The following ARMH3 variants were observed in gnomAD, a reference collection of about 807,000 sequenced individuals.
ARMH3 encodes the protein armadillo-like helical domain-containing protein 3.
A neutral mutation model predicts 99.1 loss-of-function variants in ARMH3; 60 were observed. That is an observed-to-expected ratio of 0.61 (90% CI 0.49 to 0.75). The LOEUF is 0.75. Among genes scored for constraint, ARMH3 ranks in the 30% least tolerant of loss-of-function variants. The probability of loss-of-function intolerance (pLI) is 0.00; values close to 1 mark genes in which losing one functional copy is unlikely to be tolerated. For missense variants in ARMH3, 679 were observed against 843.1 expected (o/e 0.81, Z 2.41); for synonymous variants, 285 against 292.8 (o/e 0.97, Z 0.27).
chr10:101,924,957 G>A (rs1843453636), intron 23 of ARMH3, among the ~76,000 whole-genome samples: 1 of 152,148 alleles, frequency 6.6e-6, no homozygotes, highest in South Asian at 2.1e-4. Context: ...TCATGCCACT[G>A]CACTCTGGCC....
chr10:101,955,827 G>A (rs972851901), intron 22 of ARMH3, among the ~76,000 whole-genome samples: 1 of 152,324 alleles, frequency 6.6e-6, no homozygotes, highest in African/African-American at 2.4e-5. Flanking sequence ...TTATTATCCT[G>A]ATGATTGTGA....
intron 20 of ARMH3, among the ~76,000 whole-genome samples, chr10:101,968,175 C>T (rs1845618650): frequency 6.6e-6 from 1 of 152,050 alleles, no homozygotes; most frequent in Non-Finnish European, 1.5e-5. Context: ...TTCCCAGATC[C>T]TAGACTTTGG....
intron 24 of ARMH3, among the ~76,000 whole-genome samples, chr10:101,878,477 C>CA (rs751214447): frequency 0.081 from 11,343 of 140,308 alleles, 456 homozygotes; most frequent in Admixed American, 0.093. Context: ...CCATCTCTAT[C>CA]AAAAAAAAAA....
At chr10:101,891,258 C>T (rs529091481) in intron 23 of ARMH3, among the ~76,000 whole-genome samples, 121 of 151,818 alleles carry the variant, frequency 8.0e-4, no homozygotes, top group South Asian at 5.6e-3. Context: ...TGCAATGGTG[C>T]GATCTCAGCT....
chr10:101,862,067 A>AAG, intron 24 of ARMH3, among the ~76,000 whole-genome samples: 1 of 150,552 alleles, frequency 6.6e-6, no homozygotes. Context: ...AAAAAAAAAA[A>AAG]AAAAAAGATG....
At chr10:101,971,939 A>C (rs1448419183) in intron 20 of ARMH3, among the ~76,000 whole-genome samples, 1 of 152,206 alleles carries the variant, frequency 6.6e-6, no homozygotes, top group Non-Finnish European at 1.5e-5. Flanking sequence ...AAAAACAGTG[A>C]TTGCTGAAAA....
chr10:101,964,711 G>A (rs1052492594), intron 20 of ARMH3, among the ~76,000 whole-genome samples: 2 of 152,058 alleles, frequency 1.3e-5, no homozygotes, highest in African/African-American at 2.4e-5. Flanking sequence ...GCATGAGGGG[G>A]AATTAAGAAT....
rs1188585512 is a variant in ARMH3 at position 102,029,631 on chromosome 10, G to A, written c.414+7C>T. 3 of 1,614,096 alleles carry A rather than the reference G, an allele frequency of 1.9e-6. No individual in the cohort carries two copies. The highest frequency in any genetic ancestry group is 2.7e-5 in the African/African-American group (2 of 74,934). On this transcript the variant is annotated splice_region_variant and intron_variant, in intron 5 of 25. Transcript: ENST00000370033. ...ATCCACAGGCACATCTGCAGCTTAT[G>A]CCTCACCTTCATGCACAGCTCCGCC...
intron 10 of ARMH3, among the ~76,000 whole-genome samples, chr10:102,012,605 C>A (rs866404745): frequency 6.6e-6 from 1 of 152,274 alleles, no homozygotes; most frequent in African/African-American, 2.4e-5. Context: ...AGGAATGTGC[C>A]TAACTGCCTA....
intron 2 of ARMH3, among the ~76,000 whole-genome samples, chr10:102,036,965 T>C (rs924530395): frequency 6.6e-6 from 1 of 151,302 alleles, no homozygotes; most frequent in Non-Finnish European, 1.5e-5. Flanking sequence ...GGCAGGAGAA[T>C]TGCTTGAACC....
chr10:101,926,158 T>G (rs1843499991), intron 23 of ARMH3, among the ~76,000 whole-genome samples: 1 of 152,198 alleles, frequency 6.6e-6, no homozygotes, highest in Non-Finnish European at 1.5e-5. Context: ...TTAGCCATTC[T>G]GATATAAACC....
chr10:101,926,684 A>G (rs1843520348), intron 23 of ARMH3, among the ~76,000 whole-genome samples: 1 of 152,220 alleles, frequency 6.6e-6, no homozygotes, highest in Non-Finnish European at 1.5e-5. Context: ...AGACCTTATA[A>G]AAGTTATAAC....
chr10:101,849,995 C>A, intron 24 of ARMH3, 103 bp from the exon 25 acceptor site: 1 of 930,804 alleles, frequency 1.1e-6, no homozygotes, highest in East Asian at 2.5e-5. Flanking sequence ...TGTGACAACA[C>A]CCCCAAGAAA....
At chr10:101,863,573 G>A (rs1359121045) in intron 24 of ARMH3, among the ~76,000 whole-genome samples, 1 of 152,072 alleles carries the variant, frequency 6.6e-6, no homozygotes, top group Non-Finnish European at 1.5e-5. Context: ...ATATTAGAAA[G>A]GTTTTTGAAG....
chr10:102,039,955 C>T, intron 2 of ARMH3, 58 bp downstream of exon 2: 19 of 1,475,212 alleles, frequency 1.3e-5, no homozygotes, highest in Non-Finnish European at 1.8e-5. Flanking sequence ...GGGTATTTCT[C>T]ATCTTGGACT....
intron 1 of ARMH3, among the ~76,000 whole-genome samples, chr10:102,048,849 C>A (rs1299139074): frequency 6.6e-6 from 1 of 152,130 alleles, no homozygotes; most frequent in Admixed American, 6.6e-5. Flanking sequence ...AAAACCTTTA[C>A]GCAAAAGTTA....
intron 9 of ARMH3, 52 bp from the exon 10 acceptor site, chr10:102,012,928 T>C (rs2066663852): frequency 6.7e-7 from 1 of 1,485,642 alleles, no homozygotes; most frequent in Non-Finnish European, 9.2e-7. Context: ...CTTTGGGAGT[T>C]GGTGATGATG....
At chr10:102,041,090 A>AATATATATATATATATATATATATAATAT (rs59124276) in intron 1 of ARMH3, among the ~76,000 whole-genome samples, 1 of 132,638 alleles carries the variant, frequency 7.5e-6, no homozygotes, top group Non-Finnish European at 1.6e-5. Flanking sequence ...ATATATATAT[A>AATATATATATATATATATATATATAATAT]ATATATATAT....
chr10:101,987,576 T>C (rs994515885), intron 19 of ARMH3, among the ~76,000 whole-genome samples: 1 of 152,242 alleles, frequency 6.6e-6, no homozygotes, highest in Admixed American at 6.5e-5. Flanking sequence ...CACACTCATA[T>C]AGTCCCTTTC....
Sources: allele counts gnomAD v4.1 joint callset (sites outside exome capture counted in the v4.1 genomes callset), GRCh38; gene constraint gnomAD v4.1.1; transcripts MANE v1.5; gene names NCBI Gene and HGNC (gene_info 2026-07-23, HGNC 2026-07-21).